DLC1: variants seen among roughly 807,000 people sequenced by gnomAD.
The protein encoded by DLC1 is DLC1 Rho GTPase activating protein.
DLC1 carries 54 observed loss-of-function variants against 140.3 expected under a neutral mutation model. The ratio of observed to expected loss-of-function variants is 0.38; its 90% CI spans 0.31 to 0.48. The LOEUF (loss-of-function observed/expected upper bound fraction) is 0.48, where lower values mean the gene tolerates loss of function less well. Among genes scored for constraint, DLC1 ranks in the 20% least tolerant of loss-of-function variants. The pLI, the probability that DLC1 is intolerant of heterozygous loss-of-function variation, is 0.96. For missense variants in DLC1, 2,536 were observed against 1,907.0 expected (o/e 1.33, Z -6.14); for synonymous variants, 986 against 728.1 (o/e 1.35, Z -5.70).
At chr8:13,437,229 A>G (rs1839160241) in intron 2 of DLC1, among the ~76,000 whole-genome samples, 2 of 152,172 alleles carry the variant, frequency 1.3e-5, no homozygotes, top group East Asian at 3.9e-4. Flanking sequence ...GAAAACATAA[A>G]TCAAAGTAAA....
chr8:13,276,224 C>A lies in DLC1; in HGVS notation c.1348+29045G>T, dbSNP rs369346938. Reference sequence around the variant, plus strand: ...CAGTAAATTGTTTTCTTTTTAATACCCCTCACCCCCGGTCTCCAATCCCCC... The same window carrying A: ...CAGTAAATTGTTTTCTTTTTAATACACCTCACCCCCGGTCTCCAATCCCCC... On this transcript the variant is annotated intron_variant, in intron 5 of 17. Coordinates refer to ENST00000276297, the MANE Select transcript of DLC1 (RefSeq NM_182643.3). 2.7e-5 allele frequency: 41 copies of A among 1,532,274 alleles called. No individual in the cohort carries two copies. The African/African-American group carries it at 4.8e-4, about 18-fold the overall frequency. The allele number at this position is 1,532,274 out of a possible 1,614,324, so 94.9% of individuals were successfully genotyped here. A position where few individuals can be genotyped will look rare whatever the true frequency, so the allele number is the denominator to read the frequency against.
At chr8:13,527,513 T>C (rs1049967822) in intron 1 of DLC1, among the ~76,000 whole-genome samples, 2 of 152,294 alleles carry the variant, frequency 1.3e-5, no homozygotes, top group Non-Finnish European at 2.9e-5. Context: ...AACGATGTTA[T>C]GTTCAAAGGG....
chr8:13,295,073 CA>C (rs1013288146), intron 5 of DLC1, among the ~76,000 whole-genome samples: 33 of 152,184 alleles, frequency 2.2e-4, no homozygotes, highest in African/African-American at 7.9e-4. Flanking sequence ...TTTAGGAAAC[CA>C]CAGCTCAGTG....
chr8:13,279,242 A>G (rs924784907), intron 5 of DLC1, among the ~76,000 whole-genome samples: 1 of 152,236 alleles, frequency 6.6e-6, no homozygotes, highest in African/African-American at 2.4e-5. Flanking sequence ...GGTTCAACAC[A>G]CACTGTTTAA....
intron 5 of DLC1, among the ~76,000 whole-genome samples, chr8:13,213,184 C>T (rs1828026470): frequency 6.6e-6 from 1 of 152,042 alleles, no homozygotes; most frequent in Non-Finnish European, 1.5e-5. Context: ...TCTGAGAAAA[C>T]AGAATTTTCT....
intron 6 of DLC1, among the ~76,000 whole-genome samples, chr8:13,114,032 T>A (rs537727297): frequency 1.3e-5 from 2 of 152,228 alleles, no homozygotes; most frequent in Non-Finnish European, 2.9e-5. Context: ...TATTTTAAAT[T>A]GACTTCATAT....
chr8:13,408,217 C>A (rs1188986232), intron 2 of DLC1, among the ~76,000 whole-genome samples: 1 of 152,072 alleles, frequency 6.6e-6, no homozygotes, highest in Admixed American at 6.6e-5. Flanking sequence ...GGCATATTAT[C>A]TTTTATTAAT....
intron 2 of DLC1, among the ~76,000 whole-genome samples, chr8:13,412,931 CAA>C (rs771025112): frequency 0.14 from 12,949 of 93,628 alleles, 560 homozygotes; most frequent in Admixed American, 0.19. Context: ...GACTCCATCT[CAA>C]AAAAAAAAAA....
In DLC1 at chr8:13,514,819, T is replaced by C; in HGVS notation, c.-343A>G. 1 of 394,606 alleles carries C rather than the reference T, an allele frequency of 2.5e-6. No individual in the cohort carries two copies. Among genetic ancestry groups the C allele is most frequent in the Non-Finnish European group, 4.5e-6 (1 of 223,984 alleles). 24.4% of individuals were successfully genotyped at this position (394,606 alleles called of 1,614,324 possible). ...GCTAAGGCAGGATCCTGTCAAGGCA[T>C]TCCTAGTGACTTCTGTCTACTAAAT... On this transcript the variant is annotated 5_prime_UTR_variant, in exon 1 of 18. An upstream start codon of the reference 5' UTR is lost. Transcript: ENST00000276297.
At chr8:13,096,847 T>C (rs1199942633) in intron 10 of DLC1, among the ~76,000 whole-genome samples, 2 of 152,212 alleles carry the variant, frequency 1.3e-5, no homozygotes, top group Non-Finnish European at 2.9e-5. Flanking sequence ...TCTCCATTTT[T>C]ATCAAATATG....
At chr8:13,158,716 G>T (rs530828240) in intron 5 of DLC1, among the ~76,000 whole-genome samples, 5 of 114,212 alleles carry the variant, frequency 4.4e-5, no homozygotes, top group Admixed American at 3.4e-4. Flanking sequence ...TAGAGTTAAT[G>T]TTCACAACCA....
At chr8:13,375,054 G>T (rs1236657357) in intron 4 of DLC1, among the ~76,000 whole-genome samples, 3 of 141,026 alleles carry the variant, frequency 2.1e-5, no homozygotes, top group Non-Finnish European at 3.0e-5. Context: ...TTGAGACGGA[G>T]TCTGGCTCTG....
chr8:13,154,080 G>T (rs1311364046), intron 5 of DLC1, among the ~76,000 whole-genome samples: 2 of 152,210 alleles, frequency 1.3e-5, no homozygotes, highest in East Asian at 3.9e-4. Context: ...CAAACCCTGA[G>T]CTAGACTCAG....
In DLC1 at chr8:13,133,184, A is replaced by T. The variant is rs996449931; in HGVS notation, c.1349-17527T>A. On this transcript the variant is annotated intron_variant, in intron 5 of 17. Transcript: ENST00000276297. ...TAAAGATCGAAACGAGGGAGCGCTC[A>T]GGGAGTTGGGCGAGAAGTCCGTGAG... 239 of 1,430,658 alleles carry T rather than the reference A, an allele frequency of 1.7e-4. 2 individuals carry two copies. Among genetic ancestry groups the T allele is most frequent in the Non-Finnish European group, 3.5e-5 (38 of 1,097,470 alleles). 88.6% of individuals were successfully genotyped at this position (1,430,658 alleles called of 1,614,324 possible).
Position 13,312,386 on chromosome 8 carries a change from A to AAAAAAAAAAAATAAT in DLC1, c.1315-7085_1315-7084insATTATTTTTTTTTTT, listed in dbSNP as rs71207139. ...AAAAAAAAAAAAAAAAAAAAAAAAA[A>AAAAAAAAAAAATAAT]AATAATTTCTTTAGCAAGCTAGATA... On this transcript the variant is annotated intron_variant, in intron 4 of 17. Coordinates refer to ENST00000276297, the MANE Select transcript of DLC1 (RefSeq NM_182643.3). Among the ~76,000 whole-genome samples, 20 of 81,692 alleles carry AAAAAAAAAAAATAAT rather than the reference A, an allele frequency of 2.4e-4. 1 individual carries two copies. The highest frequency in any genetic ancestry group is 2.3e-3 in the South Asian group (5 of 2,198). 53.6% of individuals were successfully genotyped at this position (81,692 alleles called of 152,430 possible).
At chr8:13,261,473 T>G (rs943879864) in intron 5 of DLC1, among the ~76,000 whole-genome samples, 1 of 152,066 alleles carries the variant, frequency 6.6e-6, no homozygotes, top group Non-Finnish European at 1.5e-5. Flanking sequence ...GGTTTTGAGT[T>G]GAGGAGTGAC....
intron 2 of DLC1, among the ~76,000 whole-genome samples, chr8:13,453,471 C>CATATATATGTATATATATACAT (rs1585134454): frequency 8.1e-5 from 1 of 12,386 alleles, no homozygotes; most frequent in African/African-American, 4.6e-4. Flanking sequence ...TATATATATA[C>CATATATATGTATATATATACAT]ATATATATGT....
At chr8:13,086,114 T>A in intron 17 of DLC1, 176 bp downstream of exon 17, 1 of 1,325,374 alleles carries the variant, frequency 7.5e-7, no homozygotes, top group Non-Finnish European at 1.0e-6. Flanking sequence ...GGAACCAAAT[T>A]ACGAAGTGGT....
At chr8:13,405,376 A>G (rs915938151) in intron 2 of DLC1, among the ~76,000 whole-genome samples, 10 of 152,064 alleles carry the variant, frequency 6.6e-5, no homozygotes, top group African/African-American at 2.2e-4. Flanking sequence ...ACATATTTTT[A>G]TATTGACATT....
Sources: gnomAD v4.1 joint callset for allele counts (sites outside exome capture counted in the v4.1 genomes callset) on GRCh38, gnomAD v4.1.1 for gene constraint, MANE v1.5 for transcripts, NCBI Gene and HGNC (gene_info 2026-07-23, HGNC 2026-07-21) for gene names.